INPP5A: variants seen among roughly 807,000 people sequenced by gnomAD.
INPP5A encodes inositol polyphosphate-5-phosphatase A, also known as 43 kDa inositol polyphosphate 5-phophatase.
A neutral mutation model predicts 65.2 loss-of-function variants in INPP5A; 14 were observed. The ratio of observed to expected loss-of-function variants is 0.21; its 90% CI spans 0.14 to 0.34. The LOEUF (loss-of-function observed/expected upper bound fraction) is 0.34. Ranked by LOEUF, INPP5A falls within the 10% of genes least tolerant of loss-of-function variation. The pLI is 1.00. For synonymous variants in INPP5A, 207 were observed against 208.3 expected (o/e 0.99, Z 0.05); for missense variants, 431 against 545.6 (o/e 0.79, Z 2.09).
intron 2 of INPP5A, among the ~76,000 whole-genome samples, chr10:132,628,466 G>GGC (rs969789160): frequency 7.5e-6 from 1 of 134,030 alleles, no homozygotes; most frequent in Admixed American, 7.6e-5. Flanking sequence ...CTGGTGGCGG[G>GGC]GGGGGGGGGG....
At chr10:132,596,957 A>ACGCGTGTGTGCGTGTGTGCACGCG (rs1554932718) in intron 1 of INPP5A, among the ~76,000 whole-genome samples, 12 of 119,452 alleles carry the variant, frequency 1.0e-4, no homozygotes, top group Admixed American at 4.3e-4. Context: ...GTGTGCACAC[A>ACGCGTGTGTGCGTGTGTGCACGCG]TGTGTGCGTG....
chr10:132,680,330 G>C (rs993864485), intron 4 of INPP5A, among the ~76,000 whole-genome samples: 2 of 152,208 alleles, frequency 1.3e-5, no homozygotes, highest in Admixed American at 6.5e-5. Context: ...GCGTGGAGAC[G>C]GCCGATAAGT....
chr10:132,775,392 G>C (rs1362466635), intron 12 of INPP5A, among the ~76,000 whole-genome samples: 1 of 152,022 alleles, frequency 6.6e-6, no homozygotes, highest in Non-Finnish European at 1.5e-5. Context: ...TCCCACGTCA[G>C]TCACTGCTGG....
intron 2 of INPP5A, among the ~76,000 whole-genome samples, chr10:132,634,132 A>G (rs2072307516): frequency 6.6e-6 from 1 of 152,270 alleles, no homozygotes; most frequent in African/African-American, 2.4e-5. Context: ...CAGTTGTCTC[A>G]TAATTGTTTT....
chr10:132,605,450 T>C (rs377322604), intron 1 of INPP5A, among the ~76,000 whole-genome samples: 2,675 of 17,272 alleles, frequency 0.15, 41 homozygotes, highest in Admixed American at 0.25. Flanking sequence ...GGGGAGGGGA[T>C]GGGGAGGGTG....
rs183474301 is a variant in INPP5A, at chr10:132,752,165, C to G, written c.903+2320C>G. ...GTGCCCAGGAGGGAGACAGGGCTGCCGTCGTTTGGAGGAGGTGCTTTCAGG... is the reference window on the plus strand; with the variant it reads ...GTGCCCAGGAGGGAGACAGGGCTGCGGTCGTTTGGAGGAGGTGCTTTCAGG... On this transcript the variant is annotated intron_variant, in intron 11 of 15. Coordinates refer to ENST00000368594, the MANE Select transcript of INPP5A (RefSeq NM_005539.5). Among the ~76,000 whole-genome samples the G allele has an allele frequency of 2.9e-3, 404 of 141,754 alleles. 2 individuals are homozygous for G. Among genetic ancestry groups the G allele is most frequent in the African/African-American group, 9.8e-3 (384 of 39,086 alleles). The allele number at this position is 141,754 out of a possible 152,430, so 93.0% of individuals were successfully genotyped here. A position where few individuals can be genotyped will look rare whatever the true frequency, so the allele number is the denominator to read the frequency against.
chr10:132,725,531 A>T (rs1216401944), intron 8 of INPP5A, among the ~76,000 whole-genome samples: 2 of 152,202 alleles, frequency 1.3e-5, no homozygotes, highest in Non-Finnish European at 2.9e-5. Flanking sequence ...AAGCGAATGG[A>T]TCAAGCTGGA....
chr10:132,632,414 C>T (rs1308974808), intron 2 of INPP5A, among the ~76,000 whole-genome samples: 1 of 152,184 alleles, frequency 6.6e-6, no homozygotes, highest in Admixed American at 6.5e-5. Context: ...GGTGTCACCT[C>T]ACTCTGTCCA....
intron 8 of INPP5A, among the ~76,000 whole-genome samples, chr10:132,716,468 C>T (rs873946): frequency 0.11 from 16,639 of 152,284 alleles, 1,096 homozygotes; most frequent in Non-Finnish European, 0.15. Flanking sequence ...TGCCGGACGT[C>T]TCCACGAGCT....
intron 12 of INPP5A, among the ~76,000 whole-genome samples, chr10:132,766,242 C>T (rs1590998559): frequency 1.3e-5 from 2 of 152,240 alleles, no homozygotes; most frequent in Non-Finnish European, 2.9e-5. Flanking sequence ...TGCACCTTCT[C>T]CTGCCCTTTT....
At position 132,676,010 on chromosome 10, in the gene INPP5A, T is replaced by C. The variant is rs1564959671; in HGVS notation, c.307-14382T>C. Among the ~76,000 whole-genome samples, 1 of 152,234 alleles carries C rather than the reference T, an allele frequency of 6.6e-6. No individual in the cohort carries two copies. Among genetic ancestry groups the C allele is most frequent in the Non-Finnish European group, 1.5e-5 (1 of 68,032 alleles). ...AGATAAGAGTCAGAACCATTTTAAT[T>C]AGGATGCAAACTCCTTACATAATTT... On this transcript the variant is annotated intron_variant, in intron 4 of 15. Transcript: ENST00000368594. This position sits in a 1 kb window ranked among gnomAD's most constrained non-coding sequence, Gnocchi z 4.0.
chr10:132,705,295 C>T lies in INPP5A; in HGVS notation c.475-3018C>T, dbSNP rs1845516634. Among the ~76,000 whole-genome samples the T allele has an allele frequency of 6.6e-6, 1 of 152,222 alleles. No individual in the cohort carries two copies. The highest frequency in any genetic ancestry group is 1.5e-5 in the Non-Finnish European group (1 of 68,038). The stretch of plus-strand genomic sequence containing the variant: ...TGGAATCAGAGACAAGTGTCTGGTG[C>T]AGCACGCAGGGAGCCTGCCACCCCG... On this transcript the variant is annotated intron_variant, in intron 6 of 15. Transcript: ENST00000368594. The surrounding 1 kb of genome is among the most constrained non-coding windows in gnomAD (Gnocchi z 4.9).
chr10:132,650,489 C>A lies in INPP5A; in HGVS notation c.290C>A (p.Ser97Tyr), dbSNP rs760451903. 1 of 1,612,836 alleles carries A rather than the reference C, an allele frequency of 6.2e-7. No homozygotes were observed. Among genetic ancestry groups the A allele is most frequent in the Non-Finnish European group, 8.5e-7 (1 of 1,179,082 alleles). ...ARVYLDENYK[S>Y]QEHFTALGSF... ...GTCTACCTGGATGAAAACTACAAAT[C>A]CCAGGAGCACTTCACGGTGAGTCCC... Residue 97 changes from serine (S) to tyrosine (Y), a missense_variant, in exon 4 of 16, where the codon TCC becomes TAC. Physicochemically the swap from Ser to Tyr is moderately radical, Grantham distance 144. Transcript: ENST00000368594. This position sits in a 1 kb window ranked among gnomAD's most constrained non-coding sequence, Gnocchi z 5.5.
chr10:132,550,726 G>A lies in INPP5A; in HGVS notation c.75+12555G>A, dbSNP rs932568529. 5.3e-5 allele frequency among the ~76,000 whole-genome samples: 8 copies of A among 152,340 alleles called. No individual in the cohort carries two copies. The highest frequency in any genetic ancestry group is 1.0e-4 in the Non-Finnish European group (7 of 68,038). ...CAAGTGGAAACACTAGTTTGGTCCCGCCTGACCTCATGGAAGACGGTGGAG... is the reference window on the plus strand; with the variant it reads ...CAAGTGGAAACACTAGTTTGGTCCCACCTGACCTCATGGAAGACGGTGGAG... On this transcript the variant is annotated intron_variant, in intron 1 of 15. Coordinates refer to ENST00000368594, the MANE Select transcript of INPP5A (RefSeq NM_005539.5). This position sits in a 1 kb window ranked among gnomAD's most constrained non-coding sequence, Gnocchi z 4.2.
intron 2 of INPP5A, among the ~76,000 whole-genome samples, chr10:132,614,679 A>G (rs2072005440): frequency 6.6e-6 from 1 of 152,244 alleles, no homozygotes; most frequent in Non-Finnish European, 1.5e-5. Flanking sequence ...CAGAATGCTT[A>G]TGGCCCCTCC....
chr10:132,563,762 T>C (rs185578564), intron 1 of INPP5A, among the ~76,000 whole-genome samples: 1 of 152,254 alleles, frequency 6.6e-6, no homozygotes, highest in African/African-American at 2.4e-5. Flanking sequence ...AAATTGGTTG[T>C]TGGTTTTCCT....
intron 1 of INPP5A, among the ~76,000 whole-genome samples, chr10:132,544,672 G>A (rs1027924685): frequency 1.3e-5 from 2 of 151,988 alleles, no homozygotes; most frequent in African/African-American, 2.4e-5. Flanking sequence ...GCATCATTTC[G>A]GGTCGGTCCT....
chr10:132,648,902 G>A (rs2072534867), intron 3 of INPP5A, among the ~76,000 whole-genome samples: 1 of 152,168 alleles, frequency 6.6e-6, no homozygotes, highest in Non-Finnish European at 1.5e-5. Flanking sequence ...CAGTCTGTGG[G>A]TTTATCGTTT....
chr10:132,674,069 A>AG lies in INPP5A; in HGVS notation c.307-16319dup, dbSNP rs1420607916. On this transcript the variant is annotated intron_variant, in intron 4 of 15. Coordinates refer to ENST00000368594, the MANE Select transcript of INPP5A (RefSeq NM_005539.5). The surrounding 1 kb of genome is among the most constrained non-coding windows in gnomAD (Gnocchi z 4.4). ...AAAGAGGCTGAATGGTATCCACAGA[A>AG]GGGGTCATCCTGTCCACTTGATTAT... is the stretch of plus-strand genomic sequence containing the variant. Among the ~76,000 whole-genome samples, 3 of 152,190 alleles carry AG rather than the reference A, an allele frequency of 2.0e-5. No homozygotes were observed. Among genetic ancestry groups the AG allele is most frequent in the South Asian group, 2.1e-4 (1 of 4,826 alleles).
Sources: gnomAD v4.1 joint callset for allele counts (sites outside exome capture counted in the v4.1 genomes callset) on GRCh38, gnomAD v4.1.1 for gene constraint, Gnocchi (gnomAD v3.1) non-coding constraint, MANE v1.5 for transcripts, NCBI Gene and HGNC (gene_info 2026-07-23, HGNC 2026-07-21) for gene names.